OPRM1: variants seen among roughly 807,000 people sequenced by gnomAD.
OPRM1 encodes opioid receptor mu 1.
A neutral mutation model predicts 31.8 loss-of-function variants in OPRM1; 27 were observed. The observed-to-expected ratio is 0.85, with a 90% CI of 0.63 to 1.17. The LOEUF (loss-of-function observed/expected upper bound fraction) is 1.17. Among genes scored for constraint, OPRM1 ranks in the 50% most tolerant of loss-of-function variants. The pLI is 0.00. For missense variants in OPRM1, 536 were observed against 511.1 expected (o/e 1.05, Z -0.47); for synonymous variants, 196 against 189.9 (o/e 1.03, Z -0.26).
intron 3 of OPRM1, among the ~76,000 whole-genome samples, chr6:154,211,767 T>G (rs1020955085): frequency 2.0e-5 from 3 of 152,232 alleles, no homozygotes; most frequent in Non-Finnish European, 4.4e-5. Context: ...TTGTGTTTTT[T>G]GCATTATTTT....
At chr6:154,179,147 AG>A (rs1356268206) in intron 3 of OPRM1, among the ~76,000 whole-genome samples, 3 of 152,174 alleles carry the variant, frequency 2.0e-5, no homozygotes, top group Non-Finnish European at 4.4e-5. Flanking sequence ...GGTGATAAGT[AG>A]GATCACAGGA....
intron 3 of OPRM1, among the ~76,000 whole-genome samples, chr6:154,190,421 C>T (rs1801766774): frequency 6.6e-6 from 1 of 152,178 alleles, no homozygotes; most frequent in South Asian, 2.1e-4. Context: ...TGCTCAACAT[C>T]ATGAGTCATT....
chr6:154,103,718 T>C (rs1031996898), intron 3 of OPRM1, among the ~76,000 whole-genome samples: 1 of 152,202 alleles, frequency 6.6e-6, no homozygotes, highest in African/African-American at 2.4e-5. Context: ...CTCCCCTTTT[T>C]AGACCATACA....
At chr6:154,181,359 A>G (rs556938329) in intron 3 of OPRM1, among the ~76,000 whole-genome samples, 37 of 152,242 alleles carry the variant, frequency 2.4e-4, no homozygotes, top group African/African-American at 8.4e-4. Flanking sequence ...GACCAACGTT[A>G]TTTCATTATC....
At chr6:154,162,882 G>A (rs1049315722) in intron 3 of OPRM1, among the ~76,000 whole-genome samples, 1 of 152,086 alleles carries the variant, frequency 6.6e-6, no homozygotes, top group Non-Finnish European at 1.5e-5. Context: ...CATATCTAAA[G>A]ATAAGTTCCT....
chr6:154,052,857 C>G (rs996302885), intron 1 of OPRM1, among the ~76,000 whole-genome samples: 21 of 152,078 alleles, frequency 1.4e-4, no homozygotes, highest in African/African-American at 3.9e-4. Context: ...TAACAAAAAC[C>G]TAGACCAACT....
chr6:154,057,608 A>G (rs1783565954), intron 1 of OPRM1, among the ~76,000 whole-genome samples: 1 of 152,182 alleles, frequency 6.6e-6, no homozygotes, highest in Non-Finnish European at 1.5e-5. Flanking sequence ...GCCTGCGTTC[A>G]TTTTCATAAA....
In OPRM1 at chr6:154,126,354, C is replaced by T. The variant is rs1797586482; in HGVS notation, c.*7633C>T. On this transcript the variant is annotated 3_prime_UTR_variant, in exon 4 of 4. Coordinates refer to ENST00000330432, the MANE Select transcript of OPRM1 (RefSeq NM_000914.5). ...ACCAGAGAGAAGGGAGAGGAGACTACATTTGTGTGACCTAATGGTTGTGAT... is the reference window on the plus strand; with the variant it reads ...ACCAGAGAGAAGGGAGAGGAGACTATATTTGTGTGACCTAATGGTTGTGAT... 6.6e-6 allele frequency among the ~76,000 whole-genome samples: 1 copy of T among 152,204 alleles called. No homozygotes were observed. The highest frequency in any genetic ancestry group is 6.5e-5 in the Admixed American group (1 of 15,286).
At chr6:154,144,229 TC>T (rs1282625172) in intron 3 of OPRM1, among the ~76,000 whole-genome samples, 1 of 152,210 alleles carries the variant, frequency 6.6e-6, no homozygotes, top group Non-Finnish European at 1.5e-5. Context: ...ACTGAAGACT[TC>T]TACTAAACGT....
chr6:154,077,972 C>A (rs971711853), intron 1 of OPRM1, among the ~76,000 whole-genome samples: 1 of 152,088 alleles, frequency 6.6e-6, no homozygotes, highest in East Asian at 1.9e-4. Context: ...AGGCAGTGAA[C>A]ATATTTCTGT....
intron 3 of OPRM1, among the ~76,000 whole-genome samples, chr6:154,209,697 T>C (rs1206613038): frequency 6.6e-6 from 1 of 150,954 alleles, no homozygotes; most frequent in African/African-American, 2.4e-5. Flanking sequence ...TCTGTTTAAA[T>C]AAAAAGCCTA....
chr6:154,014,628 C>T (rs1777906787), intron 1 of OPRM1, among the ~76,000 whole-genome samples: 1 of 151,858 alleles, frequency 6.6e-6, no homozygotes, highest in African/African-American at 2.4e-5. Flanking sequence ...TAAGCTATGT[C>T]CTTGAATACG....
chr6:154,044,641 CA>C (rs1353510464), intron 1 of OPRM1, among the ~76,000 whole-genome samples: 8 of 149,988 alleles, frequency 5.3e-5, no homozygotes, highest in Admixed American at 1.4e-4. Context: ...GCTACTGCTG[CA>C]AAAAAAATAA....
chr6:154,039,695 G>A lies in OPRM1; in HGVS notation c.151G>A (p.Asp51Asn), dbSNP rs1042753. 11 of 1,613,774 alleles carry A rather than the reference G, an allele frequency of 6.8e-6. No individual in the cohort carries two copies. Among genetic ancestry groups the A allele is most frequent in the Non-Finnish European group, 8.5e-6 (10 of 1,180,032 alleles). Residue 51 changes from aspartate (D) to asparagine (N), a missense_variant, in exon 1 of 4, where the codon GAC becomes AAC. By Grantham distance (23) the Asp-to-Asn change is conservative (BLOSUM62 1). Coordinates refer to ENST00000330432, the MANE Select transcript of OPRM1 (RefSeq NM_000914.5). ...LSDPCGPNRT[D>N]LGGRDSLCPP... Reference sequence around the variant, plus strand: ...CGACCCATGCGGTCCGAACCGCACCGACCTGGGCGGGAGAGACAGCCTGTG... The same window carrying A: ...CGACCCATGCGGTCCGAACCGCACCAACCTGGGCGGGAGAGACAGCCTGTG...
chr6:154,034,185 G>T (rs995806574), upstream of OPRM1, among the ~76,000 whole-genome samples: 2 of 152,202 alleles, frequency 1.3e-5, no homozygotes, highest in African/African-American at 2.4e-5. Context: ...AAAGAAAAGC[G>T]CATGTTGCCT....
In OPRM1 at chr6:154,129,034, A is replaced by C. The variant is rs1797743582; in HGVS notation, c.*10313A>C. Among the ~76,000 whole-genome samples the C allele has an allele frequency of 6.6e-6, 1 of 152,170 alleles. No individual in the cohort carries two copies. Among genetic ancestry groups the C allele is most frequent in the African/African-American group, 2.4e-5 (1 of 41,438 alleles). On this transcript the variant is annotated 3_prime_UTR_variant, in exon 4 of 4. Coordinates refer to ENST00000330432, the MANE Select transcript of OPRM1 (RefSeq NM_000914.5). ...TGGTGTAGCAGGATGAGCCACAGAC[A>C]AAACCTCTCAGACACCGAGTTGTAG...
intron 3 of OPRM1, among the ~76,000 whole-genome samples, chr6:154,109,527 C>T (rs1205895702): frequency 6.6e-6 from 1 of 152,064 alleles, no homozygotes; most frequent in Non-Finnish European, 1.5e-5. Flanking sequence ...TGAGATAATT[C>T]AGATGTTAAG....
At chr6:154,184,097 T>G (rs1362603178) in intron 3 of OPRM1, among the ~76,000 whole-genome samples, 1 of 152,010 alleles carries the variant, frequency 6.6e-6, no homozygotes, top group Admixed American at 6.5e-5. Flanking sequence ...GTTGTTGCTT[T>G]ATTTAAGAGA....
chr6:154,056,334 G>A (rs1016705823), intron 1 of OPRM1, among the ~76,000 whole-genome samples: 8 of 151,876 alleles, frequency 5.3e-5, no homozygotes, highest in Admixed American at 6.6e-5. Context: ...ACATTGGCCA[G>A]GATAGTCTTG....
Sources: gnomAD v4.1 joint callset for allele counts (sites outside exome capture counted in the v4.1 genomes callset) on GRCh38, gnomAD v4.1.1 for gene constraint, MANE v1.5 for transcripts, NCBI Gene and HGNC (gene_info 2026-07-23, HGNC 2026-07-21) for gene names.